PPP1R36: variants seen among roughly 807,000 people sequenced by gnomAD.
PPP1R36 encodes the protein protein phosphatase 1 regulatory subunit 36, also known as chromosome 14 open reading frame 50.
In PPP1R36, 47 loss-of-function variants were observed where a neutral mutation model predicts 53.4. The observed-to-expected ratio is 0.88, with a 90% CI of 0.70 to 1.12. The LOEUF is 1.12. Ranked by LOEUF, PPP1R36 falls within the 50% of genes most tolerant of loss-of-function variation. The probability of loss-of-function intolerance (pLI) is 0.00; values close to 1 mark genes in which losing one functional copy is unlikely to be tolerated. For synonymous variants in PPP1R36, 153 were observed against 170.5 expected (o/e 0.90, Z 0.80); for missense variants, 456 against 513.9 (o/e 0.89, Z 1.09).
intron 8 of PPP1R36, among the ~76,000 whole-genome samples, chr14:64,579,729 G>A (rs2080371761): frequency 6.6e-6 from 1 of 152,152 alleles, no homozygotes; most frequent in African/African-American, 2.4e-5. Flanking sequence ...CCAGCACTTT[G>A]GGAGGCCGAG....
chr14:64,556,807 A>G (rs2140219154), intron 3 of PPP1R36, among the ~76,000 whole-genome samples: 1 of 91,988 alleles, frequency 1.1e-5, no homozygotes. Context: ...AACATTTAAA[A>G]CTTTTTATGT....
intron 8 of PPP1R36, among the ~76,000 whole-genome samples, chr14:64,581,997 A>G (rs141334484): frequency 1.3e-5 from 2 of 152,312 alleles, no homozygotes; most frequent in East Asian, 3.9e-4. Context: ...CCTCTACGCT[A>G]GTATTTATAC....
rs367753961 is a variant in PPP1R36, at chr14:64,554,142, G to GTTT, written c.182+1305_182+1307dup. On this transcript the variant is annotated intron_variant, in intron 3 of 11. Transcript: ENST00000298705. The stretch of plus-strand genomic sequence containing the variant: ...AGTCTGAGCAAATCCCATCACAATT[G>GTTT]TTTTTTTTTTTTTTTTTTTTTTTTT... 7.8e-4 allele frequency among the ~76,000 whole-genome samples: 51 copies of GTTT among 65,288 alleles called. 4 individuals are homozygous for GTTT. Among genetic ancestry groups the GTTT allele is most frequent in the African/African-American group, 1.2e-3 (20 of 16,112 alleles). 42.8% of individuals were successfully genotyped at this position (65,288 alleles called of 152,430 possible). A position where few individuals can be genotyped will look rare whatever the true frequency, so the allele number is the denominator to read the frequency against.
intron 3 of PPP1R36, among the ~76,000 whole-genome samples, chr14:64,555,639 G>C (rs1566648243): frequency 6.6e-6 from 1 of 152,046 alleles, no homozygotes; most frequent in Non-Finnish European, 1.5e-5. Context: ...TTGAGACTAG[G>C]AATTTGAGGC....
intron 11 of PPP1R36, 104 bp from the exon 12 acceptor site, chr14:64,589,048 A>T (rs556205792): frequency 2.6e-6 from 2 of 764,060 alleles, no homozygotes; most frequent in Non-Finnish European, 4.3e-6. Flanking sequence ...GCTTTAGTGT[A>T]CATACACACA....
chr14:64,565,286 C>A, intron 4 of PPP1R36, 71 bp from the exon 5 acceptor site: 2 of 976,850 alleles, frequency 2.0e-6, no homozygotes, highest in Non-Finnish European at 3.0e-6. Flanking sequence ...ATGCTTCCTG[C>A]ACCTCAGGAT....
chr14:64,583,838 G>A (rs1596748364), intron 8 of PPP1R36, among the ~76,000 whole-genome samples: 1 of 142,846 alleles, frequency 7.0e-6, no homozygotes, highest in African/African-American at 2.6e-5. Context: ...AAAAAAGAGA[G>A]AAAGAGTTCC....
rs112532691 is a variant in PPP1R36 at position 64,579,892 on chromosome 14, C to T, written c.668+5303C>T. 6.2e-3 allele frequency among the ~76,000 whole-genome samples: 939 copies of T among 152,316 alleles called. 5 individuals carry two copies. Among genetic ancestry groups the T allele is most frequent in the African/African-American group, 0.021 (875 of 41,558 alleles). On this transcript the variant is annotated intron_variant, in intron 8 of 11. Coordinates refer to ENST00000298705, the MANE Select transcript of PPP1R36 (RefSeq NM_172365.3). ...GGCTGAGGCAGGAGAATAGCGTGAA[C>T]CTGGGAGGCGCAGCTTGCAGTGAGC...
At chr14:64,587,456 T>A in intron 10 of PPP1R36, 84 bp downstream of exon 10, 2 of 470,818 alleles carry the variant, frequency 4.2e-6, no homozygotes, top group Admixed American at 5.5e-5. Context: ...TCCTTTTTTT[T>A]TTTTTTTTTT....
chr14:64,584,940 C>T (rs1030350105), intron 8 of PPP1R36, among the ~76,000 whole-genome samples: 14 of 152,146 alleles, frequency 9.2e-5, no homozygotes, highest in Non-Finnish European at 1.5e-4. Context: ...TTGCTATTGC[C>T]GTAGTTCTTT....
rs909814263 is a variant in PPP1R36 at position 64,564,810 on chromosome 14, C to T, written c.242C>T (p.Ala81Val). 1.2e-5 allele frequency: 20 copies of T among 1,609,840 alleles called. No homozygotes were observed. Among genetic ancestry groups the T allele is most frequent in the Admixed American group, 1.7e-5 (1 of 59,130 alleles). Residue 81 changes from alanine (A) to valine (V), a missense_variant, in exon 4 of 12, where the codon GCA (alanine) becomes GTA (valine). Coordinates refer to ENST00000298705, the MANE Select transcript of PPP1R36 (RefSeq NM_172365.3). The part of the protein sequence containing the change: ...KGKKGKAVHF[A>V]ETDGPASDRL... ...AAGAAAGGCAAAGCAGTTCACTTTG[C>T]AGAAACTGATGGTCCAGCTTCAGAC...
chr14:64,576,149 C>T (rs1295790159), intron 8 of PPP1R36, among the ~76,000 whole-genome samples: 8 of 139,440 alleles, frequency 5.7e-5, no homozygotes, highest in Admixed American at 5.2e-4. Context: ...GGTGTGATCT[C>T]GGCTCACTGC....
Position 64,587,458 on chromosome 14 carries a change from T to C in PPP1R36, c.890+86T>C, listed in dbSNP as rs2080444931. 15 of 531,898 alleles carry C rather than the reference T, an allele frequency of 2.8e-5. No individual in the cohort carries two copies. In the African/African-American group the frequency reaches 3.4e-4, roughly 12 times the overall value. The allele number at this position is 531,898 out of a possible 1,614,324, so 32.9% of individuals were successfully genotyped here. ...CTTTTCTTTTTTCTCCTTTTTTTTTTTTTTTTTTTTTTTTTTTTTTGAGAC... is the reference window on the plus strand; with the variant it reads ...CTTTTCTTTTTTCTCCTTTTTTTTTCTTTTTTTTTTTTTTTTTTTTGAGAC... On this transcript the variant is annotated intron_variant, in intron 10 of 11. Transcript: ENST00000298705.
At chr14:64,552,318 A>C (rs1001306374) in intron 2 of PPP1R36, among the ~76,000 whole-genome samples, 1 of 151,956 alleles carries the variant, frequency 6.6e-6, no homozygotes. Context: ...GTGAAATCCT[A>C]TCTCTAATAA....
intron 10 of PPP1R36, 23 bp downstream of exon 10, chr14:64,587,395 T>G: frequency 1.4e-6 from 2 of 1,412,796 alleles, no homozygotes; most frequent in South Asian, 1.5e-5. Flanking sequence ...GACTTTCCTA[T>G]GCTCAGGGGT....
chr14:64,573,680 A>G (rs1312149445), intron 7 of PPP1R36, among the ~76,000 whole-genome samples: 1 of 152,080 alleles, frequency 6.6e-6, no homozygotes, highest in East Asian at 1.9e-4. Context: ...TGGGAGGCCA[A>G]GGTGGGTGGA....
In PPP1R36 at chr14:64,587,378, A is replaced by G; in HGVS notation, c.890+6A>G. 6.5e-7 allele frequency: 1 copy of G among 1,545,748 alleles called. No individual in the cohort carries two copies. The highest frequency in any genetic ancestry group is 8.7e-7 in the Non-Finnish European group (1 of 1,144,520). On this transcript the variant is annotated splice_donor_region_variant and intron_variant, in intron 10 of 11. Coordinates refer to ENST00000298705, the MANE Select transcript of PPP1R36 (RefSeq NM_172365.3). ...ATGACTTTTGTTCAGTTCAGGTATG[A>G]CCTTTTGACTTTCCTATGCTCAGGG...
intron 8 of PPP1R36, 41 bp downstream of exon 8, chr14:64,574,630 A>G (rs748609809): frequency 3.2e-6 from 5 of 1,567,712 alleles, no homozygotes; most frequent in Non-Finnish European, 4.3e-6. Context: ...TCACTCCATC[A>G]TAGACTCACA....
Position 64,552,954 on chromosome 14 carries a change from G to A in PPP1R36, c.182+93G>A, listed in dbSNP as rs1289799586. 3.4e-6 allele frequency: 4 copies of A among 1,193,494 alleles called. No individual in the cohort carries two copies. The Admixed American group carries it at 8.1e-5, about 24-fold the overall frequency. 73.9% of individuals were successfully genotyped at this position (1,193,494 alleles called of 1,614,324 possible). A position where few individuals can be genotyped will look rare whatever the true frequency, so the allele number is the denominator to read the frequency against. On this transcript the variant is annotated intron_variant, in intron 3 of 11. Transcript: ENST00000298705. Reference sequence around the variant, plus strand: ...TACATGTTAAAGCACAAGAGAATGTGTGTATAAATATTAAGTGCCAATTTT... The same window carrying A: ...TACATGTTAAAGCACAAGAGAATGTATGTATAAATATTAAGTGCCAATTTT...
Sources: gnomAD v4.1 joint callset for allele counts (sites outside exome capture counted in the v4.1 genomes callset) on GRCh38, gnomAD v4.1.1 for gene constraint, MANE v1.5 for transcripts, NCBI Gene and HGNC (gene_info 2026-07-23, HGNC 2026-07-21) for gene names.